The following PPP3CB variants were observed in gnomAD, a reference collection of about 807,000 sequenced individuals.
The protein encoded by PPP3CB is serine/threonine-protein phosphatase 2B catalytic subunit beta isoform.
A neutral mutation model predicts 66.4 loss-of-function variants in PPP3CB; 8 were observed. The observed-to-expected ratio is 0.12, with a 90% CI of 0.07 to 0.22. PPP3CB has a LOEUF of 0.22. Among genes scored for constraint, PPP3CB ranks in the 10% least tolerant of loss-of-function variants. PPP3CB has a pLI of 1.00. For synonymous variants in PPP3CB, 208 were observed against 221.2 expected (o/e 0.94, Z 0.53); for missense variants, 319 against 642.5 (o/e 0.50, Z 5.44).
In PPP3CB at chr10:73,471,585, A is replaced by G. The variant is rs765210021; in HGVS notation, c.552T>C (p.Tyr184=). The change falls in exon 5 of 14, where the codon TAT becomes TAC. Residue 184 remains tyrosine (Y), a synonymous_variant. Transcript: ENST00000360663. ...TATCAAAAGCTTCCATACAAGCTTC[A>G]TAGACTCTTTCCGAATACTTAATTT... ...ECKIKYSERV[Y]EACMEAFDSL... The G allele has an allele frequency of 1.9e-6, 3 of 1,604,420 alleles. No individual in the cohort carries two copies. Among genetic ancestry groups the G allele is most frequent in the Non-Finnish European group, 2.5e-6 (3 of 1,176,494 alleles).
At chr10:73,483,398 T>TA (rs2056915898) in intron 1 of PPP3CB, among the ~76,000 whole-genome samples, 1 of 152,210 alleles carries the variant, frequency 6.6e-6, no homozygotes, top group Non-Finnish European at 1.5e-5. Context: ...CTCACCCCTA[T>TA]AATCCCAACA....
rs1223921303 is a variant in PPP3CB at position 73,437,156 on chromosome 10, A to G, written c.*1086T>C. 2 of 152,684 alleles carry G rather than the reference A, an allele frequency of 1.3e-5. No homozygotes were observed. The highest frequency in any genetic ancestry group is 2.9e-5 in the Non-Finnish European group (2 of 68,048). The allele number at this position is 152,684 out of a possible 1,614,324, so 9.5% of individuals were successfully genotyped here. ...TCTTGACTTTTATGCTTCCACTAACATCTGAATGATTGAACAGAACCATTG... is the reference window on the plus strand; with the variant it reads ...TCTTGACTTTTATGCTTCCACTAACGTCTGAATGATTGAACAGAACCATTG... On this transcript the variant is annotated 3_prime_UTR_variant, in exon 14 of 14. Transcript: ENST00000360663.
chr10:73,475,564 C>T (rs545534717), intron 3 of PPP3CB, among the ~76,000 whole-genome samples: 66 of 152,290 alleles, frequency 4.3e-4, no homozygotes, highest in Non-Finnish European at 3.5e-4. Context: ...GGATTCTGAT[C>T]CTCTGATCTT....
chr10:73,451,657 C>T (rs1302455613), intron 10 of PPP3CB, among the ~76,000 whole-genome samples: 1 of 151,374 alleles, frequency 6.6e-6, no homozygotes, highest in East Asian at 1.9e-4. Context: ...AATCCCAGCG[C>T]TTTTTGAGAG....
Position 73,469,609 on chromosome 10 carries a change from A to G in PPP3CB, c.982+1078T>C, listed in dbSNP as rs925493029. Among the ~76,000 whole-genome samples the G allele has an allele frequency of 8.5e-5, 13 of 152,316 alleles. 1 individual carries two copies. In the East Asian group the frequency reaches 2.5e-3, roughly 29 times the overall value. On this transcript the variant is annotated intron_variant, in intron 8 of 13. Coordinates refer to ENST00000360663, the MANE Select transcript of PPP3CB (RefSeq NM_021132.4). ...CAAAAATGAAGTCATATTTCATAAG[A>G]TATCTATAGTGTAAGTTCTTGTAGC...
chr10:73,462,140 C>CTTTTTT (rs1019088638), intron 9 of PPP3CB, among the ~76,000 whole-genome samples: 1 of 94,216 alleles, frequency 1.1e-5, no homozygotes. Flanking sequence ...TAAACTCCTT[C>CTTTTTT]TTTTTTTTTT....
chr10:73,448,822 C>T, intron 10 of PPP3CB: 1 of 475,768 alleles, frequency 2.1e-6, no homozygotes, highest in Non-Finnish European at 4.2e-6. Flanking sequence ...AATGAAGGCC[C>T]TCATATTTGG....
chr10:73,450,439 G>A (rs1209668477), intron 10 of PPP3CB, among the ~76,000 whole-genome samples: 1 of 152,180 alleles, frequency 6.6e-6, no homozygotes, highest in Non-Finnish European at 1.5e-5. Flanking sequence ...TTAAACCTTA[G>A]TATCTATCCG....
At chr10:73,446,100 TTTTC>T (rs772945095) in intron 11 of PPP3CB, among the ~76,000 whole-genome samples, 15 of 151,012 alleles carry the variant, frequency 9.9e-5, no homozygotes, top group Middle Eastern at 3.4e-3. Context: ...TTGTTGCTTT[TTTTC>T]TTTCTTTTTT....
Position 73,436,552 on chromosome 10 carries a change from A to C in PPP3CB, c.*1690T>G, listed in dbSNP as rs2132733973. Reference sequence around the variant, plus strand: ...AAAAGACAATAAACAGTGATCTTAAATATTAGACTTAGGAGGCCTACAGTA... The same window carrying C: ...AAAAGACAATAAACAGTGATCTTAACTATTAGACTTAGGAGGCCTACAGTA... On this transcript the variant is annotated 3_prime_UTR_variant, in exon 14 of 14. Transcript: ENST00000360663. The C allele has an allele frequency of 6.6e-6, 1 of 152,338 alleles. No individual in the cohort carries two copies. The highest frequency in any genetic ancestry group is 1.5e-5 in the Non-Finnish European group (1 of 68,020). The allele number at this position is 152,338 out of a possible 1,614,324, so 9.4% of individuals were successfully genotyped here. A position where few individuals can be genotyped will look rare whatever the true frequency, so the allele number is the denominator to read the frequency against.
chr10:73,468,915 T>C (rs950795594), intron 8 of PPP3CB, among the ~76,000 whole-genome samples: 1 of 152,096 alleles, frequency 6.6e-6, no homozygotes, highest in Non-Finnish European at 1.5e-5. Context: ...GAGAGAAAAA[T>C]CTAGAAAATT....
At chr10:73,463,977 C>G (rs1327625759) in intron 9 of PPP3CB, among the ~76,000 whole-genome samples, 2 of 152,058 alleles carry the variant, frequency 1.3e-5, no homozygotes, top group African/African-American at 4.8e-5. Context: ...GTTGCCCAGG[C>G]TGGAGTGCAG....
rs767538926 is a variant in PPP3CB, at chr10:73,440,006, ATAC to A, written c.1367-108_1367-106del. On this transcript the variant is annotated intron_variant, in intron 12 of 13. Transcript: ENST00000360663. ...ATCACTTAAAATATCACAGTATCCC[ATAC>A]TACATCATCATTTAAAATTTAACAT... 434 of 1,136,114 alleles carry A rather than the reference ATAC, an allele frequency of 3.8e-4. 3 individuals carry two copies. The highest frequency in any genetic ancestry group is 2.2e-4 in the Middle Eastern group (1 of 4,610). 70.4% of individuals were successfully genotyped at this position (1,136,114 alleles called of 1,614,324 possible). A position where few individuals can be genotyped will look rare whatever the true frequency, so the allele number is the denominator to read the frequency against.
chr10:73,467,607 AC>A lies in PPP3CB; in HGVS notation c.1053del (p.Trp351CysfsTer20). 1 of 1,587,322 alleles carries A rather than the reference AC, an allele frequency of 6.3e-7. No homozygotes were observed. Among genetic ancestry groups the A allele is most frequent in the Non-Finnish European group, 8.6e-7 (1 of 1,165,876 alleles). On this transcript the variant is annotated frameshift_variant, in exon 9 of 14. Transcript: ENST00000360663. LOFTEE classifies it high-confidence loss of function. ...GTGAAGACATCCATAAAATTAGGCAACCAGTAAGGATGTGGAGAACAGTTAA... is the reference window on the plus strand; with the variant it reads ...GTGAAGACATCCATAAAATTAGGCAACAGTAAGGATGTGGAGAACAGTTAA... ...RQFNCSPHPY[W>X]LPNFMDVFTW...
chr10:73,463,144 C>T (rs2056557754), intron 9 of PPP3CB, among the ~76,000 whole-genome samples: 1 of 151,996 alleles, frequency 6.6e-6, no homozygotes, highest in Admixed American at 6.5e-5. Context: ...CATTCCCTAC[C>T]CTTAAATATG....
chr10:73,450,312 C>T (rs534590361), intron 10 of PPP3CB, among the ~76,000 whole-genome samples: 4 of 151,986 alleles, frequency 2.6e-5, no homozygotes, highest in East Asian at 3.9e-4. Context: ...ACAGAAGGCA[C>T]GCCATTACAG....
chr10:73,493,344 A>G (rs1195010785), intron 1 of PPP3CB, among the ~76,000 whole-genome samples: 1 of 152,176 alleles, frequency 6.6e-6, no homozygotes, highest in Non-Finnish European at 1.5e-5. Context: ...AGTCTCCATA[A>G]TATCACTACT....
At chr10:73,459,413 G>A (rs1044577587) in intron 9 of PPP3CB, among the ~76,000 whole-genome samples, 18 of 152,270 alleles carry the variant, frequency 1.2e-4, no homozygotes, top group African/African-American at 4.1e-4. Context: ...GTGAACCCAG[G>A]AGACGGAGCT....
At position 73,459,064 on chromosome 10, in the gene PPP3CB, C is replaced by CT. The variant is rs937425934; in HGVS notation, c.1109-4576dup. Among the ~76,000 whole-genome samples, 162 of 152,120 alleles carry CT rather than the reference C, an allele frequency of 1.1e-3. 2 individuals are homozygous for CT. The highest frequency in any genetic ancestry group is 3.6e-3 in the African/African-American group (150 of 41,512). ...TAGCATGGGCAACAAGAGCAAAACT[C>CT]TGTCTCAAAAACAACAACAACAATA... is the stretch of plus-strand genomic sequence containing the variant. On this transcript the variant is annotated intron_variant, in intron 9 of 13. Transcript: ENST00000360663.
Sources: gnomAD v4.1 joint callset for allele counts (sites outside exome capture counted in the v4.1 genomes callset) on GRCh38, gnomAD v4.1.1 for gene constraint, MANE v1.5 for transcripts, NCBI Gene and HGNC (gene_info 2026-07-23, HGNC 2026-07-21) for gene names.